The following EXOC4 variants were observed in gnomAD, a reference collection of about 807,000 sequenced individuals.
EXOC4 encodes the protein exocyst complex component 4, also known as SEC8-like 1.
EXOC4 carries 71 observed loss-of-function variants against 107.2 expected under a neutral mutation model. That is an observed-to-expected ratio of 0.66 (90% CI 0.55 to 0.81). The LOEUF is 0.81. EXOC4 is among the 30% of genes least tolerant of loss of function. The probability of loss-of-function intolerance (pLI) is 0.00; values close to 1 mark genes in which losing one functional copy is unlikely to be tolerated. For synonymous variants in EXOC4, 456 were observed against 441.2 expected (o/e 1.03, Z -0.42); for missense variants, 1,108 against 1,189.6 (o/e 0.93, Z 1.01).
chr7:133,752,008 A>C (rs1366708993), intron 10 of EXOC4, among the ~76,000 whole-genome samples: 2 of 151,680 alleles, frequency 1.3e-5, no homozygotes, highest in Non-Finnish European at 2.9e-5. Flanking sequence ...TAAATAAATA[A>C]ATAAATTATC....
chr7:133,633,446 C>A (rs923442386), intron 10 of EXOC4, among the ~76,000 whole-genome samples: 2 of 152,040 alleles, frequency 1.3e-5, no homozygotes, highest in Non-Finnish European at 2.9e-5. Context: ...TGGCTGGGCA[C>A]GGTGGCTCAC....
intron 9 of EXOC4, among the ~76,000 whole-genome samples, chr7:133,589,558 G>C (rs1203564805): frequency 6.6e-6 from 1 of 152,224 alleles, no homozygotes; most frequent in Non-Finnish European, 1.5e-5. Flanking sequence ...CTCTGCTCTT[G>C]TCTGCAGCAG....
intron 9 of EXOC4, among the ~76,000 whole-genome samples, chr7:133,570,641 A>C (rs770342611): frequency 6.6e-6 from 1 of 152,178 alleles, no homozygotes; most frequent in Non-Finnish European, 1.5e-5. Context: ...CGTGAAACTG[A>C]AATACATAGA....
At chr7:133,844,378 C>CCT (rs1371732321) in intron 11 of EXOC4, among the ~76,000 whole-genome samples, 1 of 83,346 alleles carries the variant, frequency 1.2e-5, no homozygotes, top group Non-Finnish European at 2.2e-5. Flanking sequence ...CCACATATTC[C>CCT]TTTTTTTTTT....
intron 17 of EXOC4, among the ~76,000 whole-genome samples, chr7:134,063,316 A>G (rs1347834891): frequency 6.6e-6 from 1 of 152,110 alleles, no homozygotes; most frequent in Non-Finnish European, 1.5e-5. Context: ...TCCCCTCAGC[A>G]TGGTGCGATT....
At chr7:134,018,688 T>A (rs1430059075) in intron 17 of EXOC4, among the ~76,000 whole-genome samples, 1 of 152,156 alleles carries the variant, frequency 6.6e-6, no homozygotes, top group Non-Finnish European at 1.5e-5. Context: ...CTTCATTTGT[T>A]CCCATCTTTT....
chr7:133,850,944 C>T (rs1414163049), intron 11 of EXOC4, among the ~76,000 whole-genome samples: 1 of 152,148 alleles, frequency 6.6e-6, no homozygotes, highest in Non-Finnish European at 1.5e-5. Flanking sequence ...TAGATTGACT[C>T]TTCCTAGCTT....
At chr7:133,416,957 G>A (rs905188486) in intron 7 of EXOC4, among the ~76,000 whole-genome samples, 7 of 152,146 alleles carry the variant, frequency 4.6e-5, no homozygotes, top group African/African-American at 1.7e-4. Context: ...ATCTTTGGAT[G>A]AGTGAAGAAA....
intron 10 of EXOC4, among the ~76,000 whole-genome samples, chr7:133,690,385 C>T (rs1794394066): frequency 6.6e-6 from 1 of 152,216 alleles, no homozygotes; most frequent in Non-Finnish European, 1.5e-5. Context: ...GCAGTCATGG[C>T]AGCAGCTAAA....
chr7:134,041,049 A>G (rs111502999), intron 17 of EXOC4, among the ~76,000 whole-genome samples: 33 of 152,340 alleles, frequency 2.2e-4, no homozygotes, highest in African/African-American at 7.9e-4. Context: ...AAAACCCACC[A>G]AATTTGCATA....
chr7:134,097,391 A>T, the EXOC4 span, among the ~76,000 whole-genome samples: 31 of 152,120 alleles, frequency 2.0e-4, 1 homozygote, highest in East Asian at 5.8e-3. Flanking sequence ...AAAAAAGTTC[A>T]TGGGTAGCAG....
chr7:133,900,653 A>G (rs1241414845), intron 12 of EXOC4, among the ~76,000 whole-genome samples: 1 of 151,808 alleles, frequency 6.6e-6, no homozygotes, highest in African/African-American at 2.4e-5. Context: ...TAGAGGGGAG[A>G]GAGACATTAA....
At chr7:133,913,733 C>G (rs1284512782) in intron 12 of EXOC4, among the ~76,000 whole-genome samples, 2 of 152,096 alleles carry the variant, frequency 1.3e-5, no homozygotes, top group Non-Finnish European at 2.9e-5. Flanking sequence ...CTACAGTAAG[C>G]CTTTGGATAT....
intron 17 of EXOC4, among the ~76,000 whole-genome samples, chr7:134,017,037 T>A (rs996495939): frequency 7.2e-5 from 11 of 152,224 alleles, no homozygotes; most frequent in Admixed American, 2.6e-4. Context: ...ATCTGACTGC[T>A]TTGCTAGAAG....
chr7:133,517,700 A>AC (rs34260966), intron 9 of EXOC4, among the ~76,000 whole-genome samples: 114,397 of 151,898 alleles, frequency 0.75, 43,803 homozygotes, highest in East Asian at 0.95. Context: ...TGATTCAATT[A>AC]CCCCCCACTG....
intron 7 of EXOC4, among the ~76,000 whole-genome samples, chr7:133,450,932 T>C (rs1366169005): frequency 6.6e-6 from 1 of 152,196 alleles, no homozygotes; most frequent in Admixed American, 6.5e-5. Context: ...GGACAAGAAG[T>C]GTTCAGGTGG....
At chr7:133,938,904 G>A (rs1399029188) in intron 14 of EXOC4, among the ~76,000 whole-genome samples, 2 of 152,212 alleles carry the variant, frequency 1.3e-5, no homozygotes, top group Non-Finnish European at 2.9e-5. Flanking sequence ...CTGGGTTAAA[G>A]CGATTCTCAT....
chr7:133,313,919 A>G (rs1794932466), intron 4 of EXOC4, among the ~76,000 whole-genome samples: 1 of 152,198 alleles, frequency 6.6e-6, no homozygotes, highest in Admixed American at 6.6e-5. Context: ...AGCAGGGATT[A>G]CTGTACATCA....
At chr7:133,806,648 TA>T (rs1276526786) in intron 10 of EXOC4, among the ~76,000 whole-genome samples, 1 of 152,188 alleles carries the variant, frequency 6.6e-6, no homozygotes, top group Non-Finnish European at 1.5e-5. Flanking sequence ...TCTGGAGTTC[TA>T]ACCTTACGGG....
Sources: allele counts gnomAD v4.1 joint callset (sites outside exome capture counted in the v4.1 genomes callset), GRCh38; gene constraint gnomAD v4.1.1; transcripts MANE v1.5; gene names NCBI Gene and HGNC (gene_info 2026-07-23, HGNC 2026-07-21).